The following ZNF385D variants were observed in gnomAD, a reference collection of about 807,000 sequenced individuals.
ZNF385D encodes the protein zinc finger protein 659.
A neutral mutation model predicts 35.8 loss-of-function variants in ZNF385D; 15 were observed. That is an observed-to-expected ratio of 0.42 (90% CI 0.28 to 0.64). ZNF385D has a LOEUF of 0.64. Among genes scored for constraint, ZNF385D ranks in the 30% least tolerant of loss-of-function variants. ZNF385D has a pLI of 0.23. For missense variants in ZNF385D, 474 were observed against 494.6 expected (o/e 0.96, Z 0.39); for synonymous variants, 212 against 186.8 (o/e 1.13, Z -1.10).
chr3:21,733,509 T>G lies in ZNF385D; in HGVS notation c.22+17386A>C, dbSNP rs189087160. On this transcript the variant is annotated intron_variant, in intron 1 of 7. Coordinates refer to ENST00000281523, the MANE Select transcript of ZNF385D (RefSeq NM_024697.3). ...AATGAAATTAGCCATGTGTCTGACATTGGTGTTGTAAATACTGTTTTCTAA... is the reference window on the plus strand; with the variant it reads ...AATGAAATTAGCCATGTGTCTGACAGTGGTGTTGTAAATACTGTTTTCTAA... Among the ~76,000 whole-genome samples, 302 of 152,330 alleles carry G rather than the reference T, an allele frequency of 2.0e-3. 1 individual carries two copies. The highest frequency in any genetic ancestry group is 6.8e-3 in the Middle Eastern group (2 of 294).
chr3:21,668,423 C>G (rs2066468961), intron 1 of ZNF385D, among the ~76,000 whole-genome samples: 1 of 152,170 alleles, frequency 6.6e-6, no homozygotes, highest in South Asian at 2.1e-4. Context: ...TTCCTCTTCC[C>G]AATCCTATAT....
chr3:21,796,710 G>A (rs1192207912), intron 3 of ZNF385D, among the ~76,000 whole-genome samples: 1 of 152,210 alleles, frequency 6.6e-6, no homozygotes, highest in East Asian at 1.9e-4. Flanking sequence ...TGGGTTTGAT[G>A]ATGGCCATTT....
At chr3:22,153,458 ATTC>A (rs1237551235) in intron 3 of ZNF385D, among the ~76,000 whole-genome samples, 3,046 of 132,102 alleles carry the variant, frequency 0.023, 95 homozygotes, top group African/African-American at 0.083. Flanking sequence ...TCACCATGAA[ATTC>A]TTCTTTTTTT....
intron 3 of ZNF385D, among the ~76,000 whole-genome samples, chr3:21,526,232 A>G (rs1254519164): frequency 6.6e-6 from 1 of 152,102 alleles, no homozygotes; most frequent in Non-Finnish European, 1.5e-5. Flanking sequence ...AAGGAATTGT[A>G]GAGTGCCTGT....
rs568690181 is a variant in ZNF385D at position 21,412,685 on chromosome 3, A to G, written c.*8529T>C. 6.6e-6 allele frequency: 1 copy of G among 150,930 alleles called. No homozygotes were observed. The highest frequency in any genetic ancestry group is 2.1e-4 in the South Asian group (1 of 4,794). 9.3% of individuals were successfully genotyped at this position (150,930 alleles called of 1,614,324 possible). On this transcript the variant is annotated 3_prime_UTR_variant, in exon 8 of 8. Transcript: ENST00000281523. ...TGTTCCTAGAGCTGCTGAAGGAACC[A>G]GAGAGCTTTCATCCATAAAAATATC... is the stretch of plus-strand genomic sequence containing the variant.
chr3:21,509,074 T>C (rs1040954239), intron 4 of ZNF385D, among the ~76,000 whole-genome samples: 1 of 151,988 alleles, frequency 6.6e-6, no homozygotes, highest in Admixed American at 6.6e-5. Context: ...GGGGGGCTTT[T>C]CTTAACTCAA....
Position 21,629,082 on chromosome 3 carries a change from G to A in ZNF385D, c.165+35804C>T, listed in dbSNP as rs2065210910. On this transcript the variant is annotated intron_variant, in intron 2 of 7. Coordinates refer to ENST00000281523, the MANE Select transcript of ZNF385D (RefSeq NM_024697.3). ...AGGTTTGGTTGGCTAAAATGCAGAG[G>A]ATCAGGCCTTTTTTTAAAAAAAATT... is the stretch of plus-strand genomic sequence containing the variant. Among the ~76,000 whole-genome samples the A allele has an allele frequency of 3.3e-5, 5 of 152,048 alleles. No homozygotes were observed. In the South Asian group the frequency reaches 1.0e-3, roughly 31 times the overall value.
At chr3:21,663,915 A>ATATATATATATTTATTTATTTATTTATT (rs1159950305) in intron 2 of ZNF385D, among the ~76,000 whole-genome samples, 1 of 105,882 alleles carries the variant, frequency 9.4e-6, no homozygotes, top group African/African-American at 3.8e-5. Flanking sequence ...ATATATATAT[A>ATATATATATATTTATTTATTTATTTATT]TATTTATTTA....
intron 2 of ZNF385D, among the ~76,000 whole-genome samples, chr3:22,229,251 T>C (rs995683850): frequency 6.6e-6 from 1 of 152,226 alleles, no homozygotes; most frequent in Non-Finnish European, 1.5e-5. Context: ...TGTTTGCTTT[T>C]GACTTTCTGT....
At chr3:21,707,074 T>A (rs1014586957) in intron 1 of ZNF385D, among the ~76,000 whole-genome samples, 1 of 152,180 alleles carries the variant, frequency 6.6e-6, no homozygotes, top group Non-Finnish European at 1.5e-5. Context: ...CAAATTTGAG[T>A]GGGCTTTACT....
At chr3:21,545,774 C>A (rs1469747458) in intron 3 of ZNF385D, among the ~76,000 whole-genome samples, 5 of 152,198 alleles carry the variant, frequency 3.3e-5, no homozygotes. Context: ...TACACAGTCC[C>A]TAATCAGGGT....
rs773918306 is a variant in ZNF385D, at chr3:21,744,420, A to C, written c.22+6475T>G. ...TAAGTGTGAAGAGCAACTTTACTAA[A>C]GCCCTGCAAATTGTAGGCAAAATTG... On this transcript the variant is annotated intron_variant, in intron 1 of 7. Transcript: ENST00000281523. 3.5e-4 allele frequency among the ~76,000 whole-genome samples: 54 copies of C among 152,220 alleles called. 1 individual carries two copies. Among genetic ancestry groups the C allele is most frequent in the Non-Finnish European group, 4.6e-4 (31 of 68,036 alleles).
chr3:21,591,009 AAAT>A (rs893755879), intron 2 of ZNF385D, among the ~76,000 whole-genome samples: 7 of 151,980 alleles, frequency 4.6e-5, no homozygotes, highest in African/African-American at 1.7e-4. Context: ...AGCCTGGGTA[AAAT>A]AGCAAGACCT....
chr3:22,075,876 A>G (rs138513445), intron 3 of ZNF385D, among the ~76,000 whole-genome samples: 173 of 151,996 alleles, frequency 1.1e-3, no homozygotes, highest in African/African-American at 3.9e-3. Flanking sequence ...GTCTTCCCAA[A>G]CTTCGTAAAT....
At chr3:22,009,891 A>C (rs1696461157) in intron 3 of ZNF385D, among the ~76,000 whole-genome samples, 2 of 151,912 alleles carry the variant, frequency 1.3e-5, no homozygotes, top group Non-Finnish European at 2.9e-5. Flanking sequence ...TATAGTTCAT[A>C]AAAATACAAA....
intron 3 of ZNF385D, among the ~76,000 whole-genome samples, chr3:21,836,475 C>A (rs1303239628): frequency 6.6e-6 from 1 of 152,080 alleles, no homozygotes; most frequent in Non-Finnish European, 1.5e-5. Context: ...GATTCACAAA[C>A]ACTGCCATGG....
intron 2 of ZNF385D, among the ~76,000 whole-genome samples, chr3:22,221,814 TA>T (rs1698273305): frequency 6.7e-6 from 1 of 149,918 alleles, no homozygotes; most frequent in South Asian, 2.1e-4. Flanking sequence ...TTTGTGTGGT[TA>T]AGTTTTGTCT....
At chr3:21,755,632 C>T (rs1196399087), upstream of ZNF385D, among the ~76,000 whole-genome samples, 2 of 152,140 alleles carry the variant, frequency 1.3e-5, no homozygotes, top group Non-Finnish European at 2.9e-5. Flanking sequence ...TGTACTAATT[C>T]CTACTATAGC....
At chr3:22,097,907 C>T (rs540710239) in intron 3 of ZNF385D, among the ~76,000 whole-genome samples, 1 of 152,100 alleles carries the variant, frequency 6.6e-6, no homozygotes, top group East Asian at 1.9e-4. Context: ...CCATAAGAAC[C>T]TAGAGACAGT....
Sources: gnomAD v4.1 joint callset for allele counts (sites outside exome capture counted in the v4.1 genomes callset) on GRCh38, gnomAD v4.1.1 for gene constraint, MANE v1.5 for transcripts, NCBI Gene and HGNC (gene_info 2026-07-23, HGNC 2026-07-21) for gene names.